BCL2: variants seen among roughly 807,000 people sequenced by gnomAD.
BCL2 encodes the protein apoptosis regulator Bcl-2.
Under a neutral mutation model 14.2 loss-of-function variants are expected in BCL2, and 1 was observed. That is an observed-to-expected ratio of 0.07 (90% CI 0.02 to 0.33). The LOEUF is 0.33. Among genes scored for constraint, BCL2 ranks in the 10% least tolerant of loss-of-function variants. The pLI is 0.99. For missense variants in BCL2, 247 were observed against 305.9 expected (o/e 0.81, Z 1.44); for synonymous variants, 151 against 137.2 (o/e 1.10, Z -0.70).
rs565139376 is a variant in BCL2 at position 63,177,918 on chromosome 18, C to G, written c.586-49159G>C. Among the ~76,000 whole-genome samples, 12 of 152,198 alleles carry G rather than the reference C, an allele frequency of 7.9e-5. 1 individual carries two copies. The highest frequency in any genetic ancestry group is 2.1e-4 in the South Asian group (1 of 4,818). ...AGGGGTGGAGAATTAACTCAGCCCC[C>G]CTCCTCCCCATAAGAGCCCCGCCAG... On this transcript the variant is annotated intron_variant, in intron 2 of 2. Transcript: ENST00000333681.
At position 63,153,248 on chromosome 18, in the gene BCL2, A is replaced by G. The variant is rs1390564835; in HGVS notation, c.586-24489T>C. ...TCCCTGAGCCTAAATTTATGAATTC[A>G]TAAAACAGAGAAAAATAAAAGGCTG... On this transcript the variant is annotated intron_variant, in intron 2 of 2. Transcript: ENST00000333681. Among the ~76,000 whole-genome samples, 15 of 152,374 alleles carry G rather than the reference A, an allele frequency of 9.8e-5. No individual in the cohort carries two copies. In the East Asian group the frequency reaches 2.7e-3, roughly 27 times the overall value.
At chr18:63,169,357 CTT>C (rs1404740074) in intron 2 of BCL2, among the ~76,000 whole-genome samples, 1 of 61,392 alleles carries the variant, frequency 1.6e-5, no homozygotes, top group African/African-American at 8.4e-5. Flanking sequence ...TTCTTTCTTT[CTT>C]TCTTTCTTTC....
At chr18:63,201,936 C>A (rs930988539) in intron 2 of BCL2, among the ~76,000 whole-genome samples, 2 of 151,848 alleles carry the variant, frequency 1.3e-5, no homozygotes, top group Admixed American at 1.3e-4. Flanking sequence ...ATGTAAGAAG[C>A]CTGCACGTTC....
Position 63,123,563 on chromosome 18 carries a change from T to A in BCL2, c.*5062A>T. The A allele has an allele frequency of 4.8e-6, 1 of 208,614 alleles. No individual in the cohort carries two copies. The highest frequency in any genetic ancestry group is 9.8e-6 in the Non-Finnish European group (1 of 102,478). 12.9% of individuals were successfully genotyped at this position (208,614 alleles called of 1,614,324 possible). On this transcript the variant is annotated 3_prime_UTR_variant, in exon 3 of 3. Coordinates refer to ENST00000333681, the MANE Select transcript of BCL2 (RefSeq NM_000633.3). ...GAATATCAGCCACCTCTTAAAAGTA[T>A]CAATCTTAAAAAGAGCCATGGAAGG...
chr18:63,305,608 A>G (rs2850755), intron 2 of BCL2, among the ~76,000 whole-genome samples: 16,738 of 152,056 alleles, frequency 0.11, 969 homozygotes, highest in Admixed American at 0.14. Flanking sequence ...AACCACTGTC[A>G]TTTTTTTCAC....
rs1915194061 is a variant in BCL2, at chr18:63,170,400, C to T, written c.586-41641G>A. The stretch of plus-strand genomic sequence containing the variant: ...GTGCATAGTCAGTGTTCAATGTTAG[C>T]AACTCGTAATATGGACACCTGGGCC... On this transcript the variant is annotated intron_variant, in intron 2 of 2. Coordinates refer to ENST00000333681, the MANE Select transcript of BCL2 (RefSeq NM_000633.3). Among the ~76,000 whole-genome samples the T allele has an allele frequency of 5.3e-5, 8 of 152,166 alleles. No homozygotes were observed. In the South Asian group the frequency reaches 1.7e-3, roughly 32 times the overall value.
chr18:63,174,820 C>CA (rs953107518), intron 2 of BCL2, among the ~76,000 whole-genome samples: 7,112 of 71,880 alleles, frequency 0.099, 533 homozygotes, highest in East Asian at 0.45. Flanking sequence ...GACTTTGTCT[C>CA]AAAAAAAAAA....
chr18:63,215,979 C>T (rs1276775094), intron 2 of BCL2, among the ~76,000 whole-genome samples: 1 of 151,758 alleles, frequency 6.6e-6, no homozygotes, highest in Non-Finnish European at 1.5e-5. Context: ...ATGTATGTCC[C>T]CAGAGGAGGT....
At chr18:63,244,193 G>A (rs755243247) in intron 2 of BCL2, among the ~76,000 whole-genome samples, 2 of 152,146 alleles carry the variant, frequency 1.3e-5, no homozygotes, top group Non-Finnish European at 2.9e-5. Flanking sequence ...GCCTGGCCAA[G>A]ATGGTGAAAC....
chr18:63,299,097 G>A (rs1441025463), intron 2 of BCL2, among the ~76,000 whole-genome samples: 1 of 152,202 alleles, frequency 6.6e-6, no homozygotes, highest in African/African-American at 2.4e-5. Context: ...TTGTAAGAAA[G>A]AAATACACGA....
At chr18:63,171,395 G>T (rs1459866230) in intron 2 of BCL2, among the ~76,000 whole-genome samples, 1 of 152,350 alleles carries the variant, frequency 6.6e-6, no homozygotes, top group African/African-American at 2.4e-5. Flanking sequence ...TTCACTGCTG[G>T]AGTGAGGGAG....
intron 2 of BCL2, among the ~76,000 whole-genome samples, chr18:63,239,752 A>AAAT (rs977743909): frequency 1.3e-5 from 2 of 152,186 alleles, no homozygotes; most frequent in African/African-American, 4.8e-5. Flanking sequence ...AAAAAAAAAA[A>AAAT]AATCAGAACT....
intron 2 of BCL2, chr18:63,314,942 C>G (rs1913451228): frequency 1.3e-5 from 2 of 152,122 alleles, no homozygotes; most frequent in South Asian, 4.1e-4. Flanking sequence ...TTATGTCTTC[C>G]TAAAGTCAGA....
intron 2 of BCL2, among the ~76,000 whole-genome samples, chr18:63,292,195 A>G (rs536100427): frequency 5.4e-4 from 82 of 151,260 alleles, no homozygotes; most frequent in Non-Finnish European, 1.1e-3. Context: ...ATTCATCACA[A>G]ACTCCTAGCC....
intron 2 of BCL2, among the ~76,000 whole-genome samples, chr18:63,303,612 C>G (rs866065475): frequency 1.3e-5 from 2 of 152,160 alleles, no homozygotes; most frequent in Non-Finnish European, 2.9e-5. Flanking sequence ...TTGCCTCTTA[C>G]CAGGCAAAGT....
intron 2 of BCL2, among the ~76,000 whole-genome samples, chr18:63,161,607 T>C (rs1177838770): frequency 6.6e-6 from 1 of 152,196 alleles, no homozygotes; most frequent in Non-Finnish European, 1.5e-5. Context: ...TACTGAAAGT[T>C]AATCAAGGGT....
In BCL2 at chr18:63,169,296, CTTTCTTTCTTT is replaced by C. The variant is rs1568222405; in HGVS notation, c.586-40548_586-40538del. Reference sequence around the variant, plus strand: ...TCTTTCTTTCTTTCTTTCTTTCTTTCTTTCTTTCTTTCTTCCTTCCTTCCTTCTTTCCTTTC... The same window carrying C: ...TCTTTCTTTCTTTCTTTCTTTCTTTCCTTCCTTCCTTCCTTCTTTCCTTTC... On this transcript the variant is annotated intron_variant, in intron 2 of 2. Coordinates refer to ENST00000333681, the MANE Select transcript of BCL2 (RefSeq NM_000633.3). Among the ~76,000 whole-genome samples the C allele has an allele frequency of 9.5e-5, 8 of 84,326 alleles. 1 individual carries two copies. The highest frequency in any genetic ancestry group is 3.1e-4 in the African/African-American group (5 of 16,174). The allele number at this position is 84,326 out of a possible 152,430, so 55.3% of individuals were successfully genotyped here.
chr18:63,299,815 C>CTTTT (rs71162622), intron 2 of BCL2, among the ~76,000 whole-genome samples: 7 of 141,830 alleles, frequency 4.9e-5, no homozygotes, highest in Non-Finnish European at 9.1e-5. Context: ...TTTTCTTTTT[C>CTTTT]TTTTTTTTTT....
At chr18:63,309,643 C>A (rs112809103) in intron 2 of BCL2, among the ~76,000 whole-genome samples, 1 of 152,114 alleles carries the variant, frequency 6.6e-6, no homozygotes, top group Non-Finnish European at 1.5e-5. Flanking sequence ...TGTCAATCTT[C>A]CTCCCACGCA....
Sources: gnomAD v4.1 joint callset for allele counts (sites outside exome capture counted in the v4.1 genomes callset) on GRCh38, gnomAD v4.1.1 for gene constraint, MANE v1.5 for transcripts, NCBI Gene and HGNC (gene_info 2026-07-23, HGNC 2026-07-21) for gene names.